The following PAPSS2 variants were observed in gnomAD, a reference collection of about 807,000 sequenced individuals.
The protein encoded by PAPSS2 is bifunctional 3'-phosphoadenosine 5'-phosphosulfate synthase 2.
In PAPSS2, 61 loss-of-function variants were observed where a neutral mutation model predicts 66.5. The ratio of observed to expected loss-of-function variants is 0.92; its 90% CI spans 0.75 to 1.14. The LOEUF (loss-of-function observed/expected upper bound fraction) is 1.14. Among genes scored for constraint, PAPSS2 ranks in the 50% most tolerant of loss-of-function variants. PAPSS2 has a pLI of 0.00. For synonymous variants in PAPSS2, 289 were observed against 287.5 expected (o/e 1.01, Z -0.05); for missense variants, 708 against 789.6 (o/e 0.90, Z 1.24).
chr10:87,693,922 A>G (rs1252356228), intron 1 of PAPSS2, among the ~76,000 whole-genome samples: 3 of 152,334 alleles, frequency 2.0e-5, no homozygotes, highest in Non-Finnish European at 2.9e-5. Context: ...CACAGAACAT[A>G]AAAGTGACTG....
intron 9 of PAPSS2, among the ~76,000 whole-genome samples, chr10:87,735,512 G>T (rs924809237): frequency 8.5e-5 from 13 of 152,204 alleles, no homozygotes; most frequent in African/African-American, 3.1e-4. Flanking sequence ...GCAATGAGGA[G>T]AAAGTAGATG....
Position 87,715,117 on chromosome 10 carries a change from G to A in PAPSS2, c.753+19G>A. ...TACTAAGGTAAGTGGGTGCAGACTG[G>A]TCAAATAATTAGGCTTAATATCAGT... is the stretch of plus-strand genomic sequence containing the variant. On this transcript the variant is annotated intron_variant, in intron 6 of 12. Coordinates refer to ENST00000456849, the MANE Select transcript of PAPSS2 (RefSeq NM_001015880.2). 1 of 1,259,450 alleles carries A rather than the reference G, an allele frequency of 7.9e-7. No homozygotes were observed. Among genetic ancestry groups the A allele is most frequent in the Non-Finnish European group, 1.2e-6 (1 of 856,658 alleles). 78.0% of individuals were successfully genotyped at this position (1,259,450 alleles called of 1,614,324 possible).
At position 87,741,272 on chromosome 10, in the gene PAPSS2, A is replaced by C; in HGVS notation, c.1124A>C (p.Asp375Ala). The C allele has an allele frequency of 2.5e-6, 4 of 1,613,674 alleles. No homozygotes were observed. Among genetic ancestry groups the C allele is most frequent in the Non-Finnish European group, 3.4e-6 (4 of 1,179,608 alleles). Residue 375 changes from aspartate to alanine, a missense_variant, in exon 10 of 13, where the codon GAC (aspartate) becomes GCC (alanine). Asp to Ala is a moderately radical substitution (Grantham distance 126). Coordinates refer to ENST00000456849, the MANE Select transcript of PAPSS2 (RefSeq NM_001015880.2). ...AGTGGGGACTGGCTGGTTGGTGGAG[A>C]CCTTCAGGTGCTGGAGAAAATAAGA... ...MESGDWLVGG[D>A]LQVLEKIRWN...
At chr10:87,705,496 T>C (rs935995984) in intron 1 of PAPSS2, among the ~76,000 whole-genome samples, 3 of 151,094 alleles carry the variant, frequency 2.0e-5, no homozygotes, top group Non-Finnish European at 4.4e-5. Context: ...AATGTCAGGG[T>C]TTTTTTTCCC....
chr10:87,669,675 T>C lies in PAPSS2; in HGVS notation c.27+9667T>C, dbSNP rs549643330. Among the ~76,000 whole-genome samples the C allele has an allele frequency of 2.0e-5, 3 of 152,384 alleles. No homozygotes were observed. The South Asian group carries it at 6.2e-4, about 32-fold the overall frequency. ...AGAAAATTCCTACTCTGTTGTATTC[T>C]GTTCATTGCCACGATTTATTGAGCA... On this transcript the variant is annotated intron_variant, in intron 1 of 12. Coordinates refer to ENST00000456849, the MANE Select transcript of PAPSS2 (RefSeq NM_001015880.2).
At chr10:87,730,713 G>T (rs1288704410) in intron 9 of PAPSS2, among the ~76,000 whole-genome samples, 1 of 152,182 alleles carries the variant, frequency 6.6e-6, no homozygotes, top group East Asian at 1.9e-4. Context: ...CAGATATGGA[G>T]AAGGTTTGAG....
At chr10:87,684,331 T>C (rs560246719) in intron 1 of PAPSS2, among the ~76,000 whole-genome samples, 33 of 152,186 alleles carry the variant, frequency 2.2e-4, no homozygotes, top group Non-Finnish European at 4.6e-4. Context: ...TGTTAGACAA[T>C]ATGATTAGGC....
rs117988973 is a variant in PAPSS2 at position 87,665,710 on chromosome 10, G to T, written c.27+5702G>T. On this transcript the variant is annotated intron_variant, in intron 1 of 12. Coordinates refer to ENST00000456849, the MANE Select transcript of PAPSS2 (RefSeq NM_001015880.2). Reference sequence around the variant, plus strand: ...GTTCACCCTTATTTTTAGAGTGTAGGGTTTAGGAGCCCAGCTTAACTTGAG... The same window carrying T: ...GTTCACCCTTATTTTTAGAGTGTAGTGTTTAGGAGCCCAGCTTAACTTGAG... Among the ~76,000 whole-genome samples, 948 of 152,210 alleles carry T rather than the reference G, an allele frequency of 6.2e-3. 23 individuals are homozygous for T. The highest frequency in any genetic ancestry group is 0.049 in the Admixed American group (752 of 15,288).
chr10:87,714,366 T>C (rs1273424250), intron 4 of PAPSS2, among the ~76,000 whole-genome samples, 184 bp downstream of exon 4: 1 of 152,246 alleles, frequency 6.6e-6, no homozygotes, highest in Non-Finnish European at 1.5e-5. Context: ...GGTAGGGTTT[T>C]ATTTTTAAGA....
chr10:87,675,330 G>A (rs1190730201), intron 1 of PAPSS2, among the ~76,000 whole-genome samples: 1 of 152,106 alleles, frequency 6.6e-6, no homozygotes, highest in Non-Finnish European at 1.5e-5. Context: ...CACCCTCTTT[G>A]AATTGTAGTT....
intron 6 of PAPSS2, 128 bp from the exon 7 acceptor site, chr10:87,715,604 G>T: frequency 1.4e-6 from 1 of 715,316 alleles, no homozygotes. Flanking sequence ...TAACAGGTGG[G>T]GACACTTAAA....
intron 1 of PAPSS2, chr10:87,703,893 A>C (rs936334421): frequency 7.9e-6 from 4 of 509,010 alleles, no homozygotes; most frequent in African/African-American, 7.8e-5. Context: ...TGTGTTCTCT[A>C]TGTACACACA....
chr10:87,665,471 A>G (rs1852804530), intron 1 of PAPSS2, among the ~76,000 whole-genome samples: 1 of 152,058 alleles, frequency 6.6e-6, no homozygotes, highest in African/African-American at 2.4e-5. Context: ...TCGGCCTCCC[A>G]AAGTGCTGGG....
intron 1 of PAPSS2, among the ~76,000 whole-genome samples, chr10:87,690,052 GAC>G (rs1853153072): frequency 2.0e-5 from 3 of 152,268 alleles, no homozygotes; most frequent in Admixed American, 2.0e-4. Flanking sequence ...CTATTGATAT[GAC>G]AGATGTTCAT....
chr10:87,719,180 G>A (rs957838296), intron 7 of PAPSS2, among the ~76,000 whole-genome samples: 1 of 152,084 alleles, frequency 6.6e-6, no homozygotes, highest in Non-Finnish European at 1.5e-5. Flanking sequence ...CCTACCACTC[G>A]CCGTATGTTA....
At chr10:87,677,368 G>A (rs1852962628) in intron 1 of PAPSS2, among the ~76,000 whole-genome samples, 1 of 151,958 alleles carries the variant, frequency 6.6e-6, no homozygotes, top group Non-Finnish European at 1.5e-5. Flanking sequence ...AAGTGAATTT[G>A]ACTGCAAATA....
At chr10:87,660,804 GAAAAAAAAAAA>G (rs61018901) in intron 1 of PAPSS2, among the ~76,000 whole-genome samples, 12 of 114,100 alleles carry the variant, frequency 1.1e-4, no homozygotes, top group South Asian at 3.2e-4. Context: ...CCAATAAACT[GAAAAAAAAAAA>G]AAAAAAAAAA....
intron 1 of PAPSS2, among the ~76,000 whole-genome samples, chr10:87,689,826 G>A (rs183523345): frequency 3.4e-4 from 52 of 152,166 alleles, no homozygotes; most frequent in African/African-American, 1.2e-3. Context: ...ACAAACAGTC[G>A]TAGACATAAT....
intron 4 of PAPSS2, 98 bp from the exon 5 acceptor site, chr10:87,714,647 C>T (rs1000819190): frequency 2.8e-5 from 23 of 823,436 alleles, no homozygotes; most frequent in East Asian, 1.5e-4. Flanking sequence ...TGTGAATTTT[C>T]AGTTTAATAC....
Sources: allele counts gnomAD v4.1 joint callset (sites outside exome capture counted in the v4.1 genomes callset), GRCh38; gene constraint gnomAD v4.1.1; transcripts MANE v1.5; gene names NCBI Gene and HGNC (gene_info 2026-07-23, HGNC 2026-07-21).